GUCA1C: variants seen among roughly 807,000 people sequenced by gnomAD.
The protein encoded by GUCA1C is guanylyl cyclase-activating protein 3.
In GUCA1C, 15 loss-of-function variants were observed where a neutral mutation model predicts 16.2. The observed-to-expected ratio is 0.93, with a 90% CI of 0.62 to 1.43. The LOEUF is 1.43. GUCA1C is among the 40% of genes most tolerant of loss of function. GUCA1C has a pLI of 0.00. For missense variants in GUCA1C, 275 were observed against 244.8 expected, an observed-to-expected ratio of 1.12 and a Z score of -0.82; for synonymous variants, 78 against 85.4, an observed-to-expected ratio of 0.91 and a Z score of 0.48.
In GUCA1C at chr3:108,948,465, C is replaced by A. The variant is rs185358558; in HGVS notation, c.204+5094G>T. Reference sequence around the variant, plus strand: ...TTTCTTTATAAATTACCCAGTCTCACGTAGTTCTTTATGGCAGTGTGAGAA... The same window carrying A: ...TTTCTTTATAAATTACCCAGTCTCAAGTAGTTCTTTATGGCAGTGTGAGAA... On this transcript the variant is annotated intron_variant, in intron 1 of 3. Transcript: ENST00000261047. Among the ~76,000 whole-genome samples, 11 of 152,222 alleles carry A rather than the reference C, an allele frequency of 7.2e-5. No individual in the cohort carries two copies. In the East Asian group the frequency reaches 2.1e-3, roughly 29 times the overall value.
chr3:108,922,677 T>TTTA (rs905535059), intron 1 of GUCA1C, among the ~76,000 whole-genome samples: 1 of 152,130 alleles, frequency 6.6e-6, no homozygotes, highest in Non-Finnish European at 1.5e-5. Context: ...AGCCCACTTT[T>TTTA]TTATTATTAT....
At chr3:108,939,403 T>C (rs564747795) in intron 1 of GUCA1C, among the ~76,000 whole-genome samples, 1 of 136,054 alleles carries the variant, frequency 7.4e-6, no homozygotes, top group East Asian at 2.4e-4. Context: ...ATGCTCTCAC[T>C]GCAACCTCCG....
intron 2 of GUCA1C, among the ~76,000 whole-genome samples, chr3:108,918,111 T>C (rs1157135518): frequency 6.6e-6 from 1 of 152,234 alleles, no homozygotes; most frequent in East Asian, 1.9e-4. Flanking sequence ...TTCTTTCTTG[T>C]TCAGGGCTGT....
At chr3:108,952,636 G>GTT (rs34262311) in intron 1 of GUCA1C, among the ~76,000 whole-genome samples, 2 of 148,828 alleles carry the variant, frequency 1.3e-5, no homozygotes, top group African/African-American at 4.9e-5. Flanking sequence ...CAAACAACCA[G>GTT]TTTTTTTTTT....
chr3:108,926,951 T>C (rs976102849), intron 1 of GUCA1C, among the ~76,000 whole-genome samples: 1 of 152,206 alleles, frequency 6.6e-6, no homozygotes, highest in Non-Finnish European at 1.5e-5. Flanking sequence ...CAGTATTTGT[T>C]TGTCTGTAAA....
chr3:108,954,007 T>A, upstream of GUCA1C: 1 of 496,694 alleles, frequency 2.0e-6, no homozygotes, highest in Non-Finnish European at 3.6e-6. Flanking sequence ...AGAGACATAG[T>A]TTTTTGTGAA....
chr3:108,920,347 C>A, intron 2 of GUCA1C, 89 bp downstream of exon 2: 1 of 926,726 alleles, frequency 1.1e-6, no homozygotes, highest in South Asian at 1.4e-5. Context: ...AATAGCCAAC[C>A]CCATAGACAG....
chr3:108,919,152 T>C (rs991014975), intron 2 of GUCA1C, among the ~76,000 whole-genome samples: 7 of 152,146 alleles, frequency 4.6e-5, no homozygotes, highest in South Asian at 4.1e-4. Flanking sequence ...ATTAATTTAA[T>C]TAGAGACGAA....
chr3:108,940,887 A>G (rs1946779263), intron 1 of GUCA1C, among the ~76,000 whole-genome samples: 1 of 152,228 alleles, frequency 6.6e-6, no homozygotes, highest in Non-Finnish European at 1.5e-5. Context: ...AGTTTTGGAA[A>G]TGAACGATTT....
At chr3:108,916,385 A>G (rs1246275483) in intron 2 of GUCA1C, among the ~76,000 whole-genome samples, 171 bp from the exon 3 acceptor site, 1 of 152,228 alleles carries the variant, frequency 6.6e-6, no homozygotes, top group Non-Finnish European at 1.5e-5. Context: ...GTTCTGGGTA[A>G]TGAGACTTGG....
intron 1 of GUCA1C, among the ~76,000 whole-genome samples, chr3:108,922,732 T>C (rs1432638249): frequency 6.6e-6 from 1 of 152,178 alleles, no homozygotes; most frequent in African/African-American, 2.4e-5. Context: ...TGCAGGTTTG[T>C]TACACAGGTA....
chr3:108,927,410 G>T (rs1946632382), intron 1 of GUCA1C, among the ~76,000 whole-genome samples: 1 of 146,550 alleles, frequency 6.8e-6, no homozygotes, highest in Non-Finnish European at 1.5e-5. Flanking sequence ...CTTCTTGGAG[G>T]TTCTGTTCAT....
intron 1 of GUCA1C, among the ~76,000 whole-genome samples, chr3:108,930,860 G>A (rs186433827): frequency 2.4e-4 from 36 of 152,276 alleles, no homozygotes; most frequent in South Asian, 1.7e-3. Context: ...TGAGACAAGC[G>A]AAATATGTTA....
At chr3:108,939,063 A>G (rs1023766082) in intron 1 of GUCA1C, among the ~76,000 whole-genome samples, 1 of 152,150 alleles carries the variant, frequency 6.6e-6, no homozygotes, top group African/African-American at 2.4e-5. Flanking sequence ...GCCTTTTGCA[A>G]GGAAATTCCT....
At chr3:108,923,954 C>T (rs903863164) in intron 1 of GUCA1C, among the ~76,000 whole-genome samples, 2 of 152,076 alleles carry the variant, frequency 1.3e-5, no homozygotes, top group African/African-American at 2.4e-5. Flanking sequence ...TCAGCTTGAT[C>T]GCTGTTGGTG....
intron 1 of GUCA1C, among the ~76,000 whole-genome samples, chr3:108,937,978 GA>G (rs1042472557): frequency 3.3e-5 from 5 of 151,982 alleles, no homozygotes; most frequent in African/African-American, 9.7e-5. Context: ...GGCTAAGACA[GA>G]GAATTGCTTG....
intron 1 of GUCA1C, among the ~76,000 whole-genome samples, chr3:108,945,002 G>C (rs753586828): frequency 6.6e-6 from 1 of 152,198 alleles, no homozygotes; most frequent in Admixed American, 6.5e-5. Context: ...GCAGGGCCAG[G>C]TGCTCCTTCA....
intron 1 of GUCA1C, among the ~76,000 whole-genome samples, chr3:108,947,546 G>T (rs1300282559): frequency 6.6e-6 from 1 of 152,206 alleles, no homozygotes; most frequent in Non-Finnish European, 1.5e-5. Context: ...TAAAGTTTAA[G>T]ATGGAATTAC....
intron 1 of GUCA1C, among the ~76,000 whole-genome samples, chr3:108,931,962 C>T (rs141291013): frequency 9.1e-4 from 137 of 149,998 alleles, no homozygotes; most frequent in African/African-American, 3.1e-3. Context: ...TGCCATTCTC[C>T]TGCTCAGCCT....
Sources: allele counts gnomAD v4.1 joint callset (sites outside exome capture counted in the v4.1 genomes callset), GRCh38; gene constraint gnomAD v4.1.1; transcripts MANE v1.5; gene names NCBI Gene and HGNC (gene_info 2026-07-23, HGNC 2026-07-21).